FHIT: variants seen among roughly 807,000 people sequenced by gnomAD.
FHIT encodes bis(5'-adenosyl)-triphosphatase.
In FHIT, 19 loss-of-function variants were observed where a neutral mutation model predicts 17.9. That is an observed-to-expected ratio of 1.06 (90% CI 0.74 to 1.56). The LOEUF is 1.56. Ranked by LOEUF, FHIT falls within the 40% of genes most tolerant of loss-of-function variation. FHIT has a pLI of 0.00. For synonymous variants in FHIT, 81 were observed against 69.7 expected (o/e 1.16, Z -0.81); for missense variants, 248 against 189.2 (o/e 1.31, Z -1.82).
chr3:60,761,350 G>A (rs1699646915), intron 4 of FHIT, among the ~76,000 whole-genome samples: 1 of 152,224 alleles, frequency 6.6e-6, no homozygotes, highest in Non-Finnish European at 1.5e-5. Flanking sequence ...GCATGTCTCA[G>A]AGAGAGCAAC....
chr3:60,226,493 A>AAAAAAAAAAAAAAAC lies in FHIT; in HGVS notation c.104-212342_104-212341insGTTTTTTTTTTTTTT, dbSNP rs200934161. Among the ~76,000 whole-genome samples the AAAAAAAAAAAAAAAC allele has an allele frequency of 6.1e-4, 90 of 147,110 alleles. 3 individuals are homozygous for AAAAAAAAAAAAAAAC. The highest frequency in any genetic ancestry group is 2.0e-3 in the African/African-American group (74 of 37,744). ...GTCTCAAAAAAAAAAAAAAAAAAAA[A>AAAAAAAAAAAAAAAC]ACACTGCCTGCCTGCACTATACTAA... On this transcript the variant is annotated intron_variant, in intron 5 of 9. Transcript: ENST00000492590.
chr3:60,603,492 T>TTTC (rs1553669590), intron 4 of FHIT, among the ~76,000 whole-genome samples: 1 of 152,158 alleles, frequency 6.6e-6, no homozygotes, highest in Non-Finnish European at 1.5e-5. Flanking sequence ...TCTTCAACTG[T>TTTC]TCAGAGGGTA....
chr3:60,067,931 G>T (rs560318943), intron 5 of FHIT, among the ~76,000 whole-genome samples: 15 of 152,238 alleles, frequency 9.9e-5, no homozygotes, highest in Middle Eastern at 6.8e-3. Flanking sequence ...CCATTCATTT[G>T]TTCATTCAAC....
intron 2 of FHIT, among the ~76,000 whole-genome samples, chr3:61,178,087 A>T (rs982131840): frequency 1.3e-5 from 2 of 152,234 alleles, no homozygotes; most frequent in African/African-American, 4.8e-5. Context: ...AATTCTTCTT[A>T]GGACCACCTG....
intron 5 of FHIT, among the ~76,000 whole-genome samples, chr3:60,047,660 G>C (rs1024443967): frequency 6.6e-6 from 1 of 152,182 alleles, no homozygotes; most frequent in Non-Finnish European, 1.5e-5. Context: ...CAATTATAAT[G>C]ATTAGAATAA....
At chr3:60,831,476 G>T (rs573698625) in intron 3 of FHIT, among the ~76,000 whole-genome samples, 1 of 152,266 alleles carries the variant, frequency 6.6e-6, no homozygotes, top group Admixed American at 6.5e-5. Flanking sequence ...CTTTAGAAAT[G>T]TAGACTCTAA....
intron 5 of FHIT, among the ~76,000 whole-genome samples, chr3:60,191,003 G>A (rs1366025404): frequency 1.3e-5 from 2 of 151,976 alleles, no homozygotes; most frequent in Non-Finnish European, 2.9e-5. Context: ...GAGGCCCTGG[G>A]AAGCTAAGAA....
intron 7 of FHIT, among the ~76,000 whole-genome samples, chr3:59,945,068 G>A (rs949389822): frequency 6.6e-6 from 1 of 152,132 alleles, no homozygotes; most frequent in Non-Finnish European, 1.5e-5. Context: ...GGGCTGAATA[G>A]TAGTTCTGTA....
rs2039225116 is a variant in FHIT at position 61,206,226 on chromosome 3, T to C, written c.-212-5561A>G. 1.5e-5 allele frequency among the ~76,000 whole-genome samples: 2 copies of C among 132,992 alleles called. 1 individual carries two copies. Among genetic ancestry groups the C allele is most frequent in the South Asian group, 5.2e-4 (2 of 3,812 alleles). The allele number at this position is 132,992 out of a possible 152,430, so 87.2% of individuals were successfully genotyped here. On this transcript the variant is annotated intron_variant, in intron 1 of 9. Coordinates refer to ENST00000492590, the MANE Select transcript of FHIT (RefSeq NM_002012.4). Reference sequence around the variant, plus strand: ...TGCTGTTTTGGTTACTGTAGCCTTGTAGTATAGTTTGAAGTCAGGTAGTGT... The same window carrying C: ...TGCTGTTTTGGTTACTGTAGCCTTGCAGTATAGTTTGAAGTCAGGTAGTGT...
chr3:60,726,831 C>G (rs1553709697), intron 4 of FHIT, among the ~76,000 whole-genome samples: 1 of 152,090 alleles, frequency 6.6e-6, no homozygotes, highest in Non-Finnish European at 1.5e-5. Flanking sequence ...TAGAGTGAGA[C>G]CTTGAACCCT....
chr3:60,135,473 A>T (rs1485032347), intron 5 of FHIT, among the ~76,000 whole-genome samples: 1 of 152,174 alleles, frequency 6.6e-6, no homozygotes, highest in Non-Finnish European at 1.5e-5. Flanking sequence ...TGGGGTTTTA[A>T]TCACAAAACT....
intron 4 of FHIT, among the ~76,000 whole-genome samples, chr3:60,582,455 A>AT (rs1469776623): frequency 6.6e-6 from 1 of 152,036 alleles, no homozygotes; most frequent in East Asian, 1.9e-4. Context: ...TACGAAAATC[A>AT]TTTTCTCCCC....
At chr3:60,834,986 G>T (rs1393221632) in intron 3 of FHIT, among the ~76,000 whole-genome samples, 1 of 151,738 alleles carries the variant, frequency 6.6e-6, no homozygotes, top group Non-Finnish European at 1.5e-5. Context: ...TATGGATTGT[G>T]TTTATGTGAA....
intron 5 of FHIT, among the ~76,000 whole-genome samples, chr3:60,142,192 T>C (rs979109182): frequency 2.0e-5 from 3 of 152,136 alleles, no homozygotes; most frequent in South Asian, 4.1e-4. Context: ...AAATCATGAC[T>C]CTGATATTTA....
rs1704324452 is a variant in FHIT at position 59,901,399 on chromosome 3, C to A, written c.348+20947G>T. Among the ~76,000 whole-genome samples the A allele has an allele frequency of 2.0e-5, 3 of 152,246 alleles. No individual in the cohort carries two copies. The South Asian group carries it at 6.2e-4, about 32-fold the overall frequency. On this transcript the variant is annotated intron_variant, in intron 8 of 9. Coordinates refer to ENST00000492590, the MANE Select transcript of FHIT (RefSeq NM_002012.4). ...GGTATCATGAGGATTACGAGTTAAA[C>A]ATGGAAAATTCCTCTTCCAACTCAA...
At chr3:60,962,989 G>C (rs1709537140) in intron 3 of FHIT, among the ~76,000 whole-genome samples, 1 of 152,160 alleles carries the variant, frequency 6.6e-6, no homozygotes, top group Admixed American at 6.5e-5. Context: ...GATTGGAATG[G>C]TTTCAGAAGG....
intron 3 of FHIT, among the ~76,000 whole-genome samples, chr3:60,945,855 G>T (rs35675876): frequency 6.6e-6 from 1 of 151,980 alleles, no homozygotes; most frequent in Non-Finnish European, 1.5e-5. Flanking sequence ...TGAGGTACAG[G>T]TGAAGATATA....
At chr3:60,038,094 G>A (rs57689046) in intron 5 of FHIT, among the ~76,000 whole-genome samples, 10,699 of 152,012 alleles carry the variant, frequency 0.07, 1,379 homozygotes, top group East Asian at 0.57. Flanking sequence ...ATGACTTTTT[G>A]TCTATTTTCT....
intron 5 of FHIT, among the ~76,000 whole-genome samples, chr3:60,434,978 G>T (rs1251100281): frequency 6.6e-6 from 1 of 152,076 alleles, no homozygotes; most frequent in African/African-American, 2.4e-5. Context: ...ATGTATCAAA[G>T]ATCTTCTTTT....
Sources: allele counts gnomAD v4.1 joint callset (sites outside exome capture counted in the v4.1 genomes callset), GRCh38; gene constraint gnomAD v4.1.1; transcripts MANE v1.5; gene names NCBI Gene and HGNC (gene_info 2026-07-23, HGNC 2026-07-21).